CCDC30: variants seen among roughly 807,000 people sequenced by gnomAD.
CCDC30 encodes the protein coiled-coil domain-containing protein 30.
In CCDC30, 70 loss-of-function variants were observed where a neutral mutation model predicts 100.2. That is an observed-to-expected ratio of 0.70 (90% CI 0.58 to 0.85). The LOEUF (loss-of-function observed/expected upper bound fraction) is 0.85. CCDC30 is among the 40% of genes least tolerant of loss of function. The probability of loss-of-function intolerance (pLI) is 0.00; values close to 1 mark genes in which losing one functional copy is unlikely to be tolerated. For missense variants in CCDC30, 652 were observed against 771.2 expected (o/e 0.85, Z 1.83); for synonymous variants, 233 against 269.5 (o/e 0.86, Z 1.33).
chr1:42,505,959 A>G (rs1408557943), intron 6 of CCDC30, among the ~76,000 whole-genome samples: 1 of 152,234 alleles, frequency 6.6e-6, no homozygotes, highest in African/African-American at 2.4e-5. Flanking sequence ...AGTTTCTCCA[A>G]TTGTATTCTG....
chr1:42,473,544 A>C (rs1643835168), intron 1 of CCDC30: 2 of 358,820 alleles, frequency 5.6e-6, no homozygotes, highest in African/African-American at 4.2e-5. Context: ...GGACTGCTCC[A>C]GGTAGCTTTC....
At chr1:42,506,314 A>G (rs943963044) in intron 6 of CCDC30, among the ~76,000 whole-genome samples, 4 of 152,176 alleles carry the variant, frequency 2.6e-5, no homozygotes, top group African/African-American at 4.8e-5. Context: ...CTCTATTCCA[A>G]TGTTAGAAAC....
intron 6 of CCDC30, among the ~76,000 whole-genome samples, chr1:42,507,116 G>A (rs750648859): frequency 1.9e-4 from 29 of 152,104 alleles, no homozygotes; most frequent in Non-Finnish European, 3.8e-4. Flanking sequence ...TAGTAGAGAC[G>A]GGGTTTCACC....
At chr1:42,480,078 T>C (rs894887391) in intron 1 of CCDC30, among the ~76,000 whole-genome samples, 6 of 152,160 alleles carry the variant, frequency 3.9e-5, no homozygotes, top group South Asian at 2.1e-4. Context: ...GTCAAGGCAA[T>C]ATATGAAATT....
exon 17 of CCDC30, chr1:42,654,032 C>T: frequency 6.2e-7 from 1 of 1,606,100 alleles, no homozygotes; most frequent in East Asian, 2.2e-5. Context: ...ACTATAAAAT[C>T]ACTGGTGCCT....
At chr1:42,519,331 T>G (rs1644601010) in intron 6 of CCDC30, among the ~76,000 whole-genome samples, 2 of 152,240 alleles carry the variant, frequency 1.3e-5, no homozygotes, top group African/African-American at 4.8e-5. Context: ...CCCCTTCATT[T>G]TCTTAAAGGA....
rs769862128 is a variant in CCDC30, at chr1:42,545,553, C to A, written c.457-20743C>A. On this transcript the variant is annotated intron_variant, in intron 6 of 16. Transcript: ENST00000668663. Reference sequence around the variant, plus strand: ...CAATTTTGGAAACAGAAATTCAAAGCCGAAAGGAAGAGACAGAGGAACTCT... The same window carrying A: ...CAATTTTGGAAACAGAAATTCAAAGACGAAAGGAAGAGACAGAGGAACTCT... 41 of 1,605,356 alleles carry A rather than the reference C, an allele frequency of 2.6e-5. No individual in the cohort carries two copies. Among genetic ancestry groups the A allele is most frequent in the Non-Finnish European group, 3.4e-5 (40 of 1,177,374 alleles).
intron 11 of CCDC30, among the ~76,000 whole-genome samples, chr1:42,623,702 C>T (rs1029430330): frequency 2.0e-5 from 3 of 152,200 alleles, no homozygotes; most frequent in Admixed American, 1.3e-4. Context: ...CTTAGGATGT[C>T]TTTGGCTATT....
chr1:42,654,171 A>G (rs1454196119), downstream of CCDC30: 2 of 638,424 alleles, frequency 3.1e-6, no homozygotes, highest in Non-Finnish European at 5.5e-6. Flanking sequence ...TAAATTCATT[A>G]AAGCAGTTGT....
intron 5 of CCDC30, among the ~76,000 whole-genome samples, chr1:42,498,287 T>A (rs1644258314): frequency 6.6e-6 from 1 of 151,546 alleles, no homozygotes; most frequent in South Asian, 2.1e-4. Context: ...GGAGAGGGAG[T>A]AACGGGAGTT....
intron 6 of CCDC30, among the ~76,000 whole-genome samples, chr1:42,535,931 C>T (rs919152398): frequency 6.7e-6 from 1 of 150,096 alleles, no homozygotes; most frequent in Non-Finnish European, 1.5e-5. Flanking sequence ...TTAAGTTAGA[C>T]TTGACTTAGA....
At chr1:42,550,968 A>AT (rs1645240007) in intron 6 of CCDC30, among the ~76,000 whole-genome samples, 1 of 151,950 alleles carries the variant, frequency 6.6e-6, no homozygotes, top group South Asian at 2.1e-4. Flanking sequence ...TATCTTTTTT[A>AT]TTTTTTATTC....
intron 11 of CCDC30, among the ~76,000 whole-genome samples, chr1:42,618,393 C>T (rs373682630): frequency 3.9e-5 from 6 of 152,120 alleles, no homozygotes; most frequent in Admixed American, 6.5e-5. Context: ...TGTGCCACCA[C>T]GCCCAGCTAA....
intron 9 of CCDC30, among the ~76,000 whole-genome samples, chr1:42,585,321 A>T (rs2148599283): frequency 6.6e-6 from 1 of 152,246 alleles, no homozygotes; most frequent in Middle Eastern, 3.4e-3. Flanking sequence ...GCTGGTCTCA[A>T]GTTCCTGCAT....
intron 3 of CCDC30, among the ~76,000 whole-genome samples, chr1:42,483,391 T>C (rs1643997633): frequency 6.6e-6 from 1 of 152,238 alleles, no homozygotes; most frequent in Admixed American, 6.5e-5. Flanking sequence ...ACATTTCTGA[T>C]TGTGGTAAGA....
chr1:42,500,399 T>C lies in CCDC30; in HGVS notation c.456+1483T>C, dbSNP rs867128777. 5.0e-5 allele frequency: 52 copies of C among 1,038,142 alleles called. No homozygotes were observed. In the Middle Eastern group the frequency reaches 2.2e-3, roughly 44 times the overall value. 64.3% of individuals were successfully genotyped at this position (1,038,142 alleles called of 1,614,324 possible). A position where few individuals can be genotyped will look rare whatever the true frequency, so the allele number is the denominator to read the frequency against. On this transcript the variant is annotated intron_variant, in intron 6 of 16. Coordinates refer to ENST00000668663, the Ensembl canonical transcript of CCDC30. Reference sequence around the variant, plus strand: ...AACGAGCGAAGTCTGGTCTGCGCAGTGGCCACCACCGAGTTCTCTCTTTTT... The same window carrying C: ...AACGAGCGAAGTCTGGTCTGCGCAGCGGCCACCACCGAGTTCTCTCTTTTT...
the CCDC30 span, chr1:42,457,237 C>T: frequency 1.2e-6 from 2 of 1,614,084 alleles, no homozygotes; most frequent in South Asian, 2.2e-5. Context: ...CCTTGTGTTT[C>T]TCTTTGCAGG....
At chr1:42,572,323 G>A (rs1382973696) in intron 7 of CCDC30, among the ~76,000 whole-genome samples, 1 of 152,174 alleles carries the variant, frequency 6.6e-6, no homozygotes, top group Non-Finnish European at 1.5e-5. Flanking sequence ...GTTTTGTGAA[G>A]TGCTTGTTCA....
At chr1:42,457,395 T>C in the CCDC30 span, 1 of 1,538,060 alleles carries the variant, frequency 6.5e-7, no homozygotes, top group South Asian at 1.1e-5. Flanking sequence ...ATATAACCAA[T>C]CTTGGGTTAA....
Sources: allele counts gnomAD v4.1 joint callset (sites outside exome capture counted in the v4.1 genomes callset), GRCh38; gene constraint gnomAD v4.1.1; transcripts MANE v1.5; gene names NCBI Gene and HGNC (gene_info 2026-07-23, HGNC 2026-07-21).